Variants in LAMB3 observed in about 807,000 individuals in gnomAD.
The protein encoded by LAMB3 is laminin subunit beta 3.
LAMB3 carries 104 observed loss-of-function variants against 140.3 expected under a neutral mutation model. The observed-to-expected ratio is 0.74, with a 90% CI of 0.63 to 0.87. The LOEUF (loss-of-function observed/expected upper bound fraction) is 0.87, where lower values mean the gene tolerates loss of function less well. Among genes scored for constraint, LAMB3 ranks in the 40% least tolerant of loss-of-function variants. The probability of loss-of-function intolerance (pLI) is 0.00; values close to 1 mark genes in which losing one functional copy is unlikely to be tolerated. For missense variants in LAMB3, 1,531 were observed against 1,575.2 expected (o/e 0.97, Z 0.47); for synonymous variants, 592 against 602.9 (o/e 0.98, Z 0.26).
At chr1:209,627,893 T>G (rs1666529480) in intron 11 of LAMB3, 142 bp downstream of exon 11, 2 of 1,164,366 alleles carry the variant, frequency 1.7e-6, no homozygotes, top group South Asian at 1.3e-5. Context: ...TCCGGACTCC[T>G]GGCAAAGGCC....
chr1:209,637,781 A>G (rs1040938756), intron 5 of LAMB3, 127 bp downstream of exon 5: 8 of 791,230 alleles, frequency 1.0e-5, no homozygotes, highest in Non-Finnish European at 1.7e-5. Flanking sequence ...TTCTGTCACC[A>G]TGATATAGGC....
chr1:209,640,110 G>A (rs986677239), intron 3 of LAMB3, among the ~76,000 whole-genome samples: 1 of 152,188 alleles, frequency 6.6e-6, no homozygotes, highest in African/African-American at 2.4e-5. Context: ...CACTTTCCAG[G>A]TCTCACCCAG....
In LAMB3 at chr1:209,618,055, G is replaced by A. The variant is rs1273379365; in HGVS notation, c.2910-7C>T. The A allele has an allele frequency of 6.2e-7, 1 of 1,614,050 alleles. No homozygotes were observed. Among genetic ancestry groups the A allele is most frequent in the Non-Finnish European group, 8.5e-7 (1 of 1,180,040 alleles). On this transcript the variant is annotated splice_polypyrimidine_tract_variant and splice_region_variant and intron_variant, in intron 19 of 22. Transcript: ENST00000356082. ...CACTGCATGGGCTCGGCTCCTGGGT[G>A]AGAGAAGCAGCAGGGAGAGGAGAGA...
chr1:209,626,539 T>A (rs577261025), intron 13 of LAMB3, among the ~76,000 whole-genome samples: 3 of 152,282 alleles, frequency 2.0e-5, no homozygotes, highest in Admixed American at 2.0e-4. Flanking sequence ...ACTTCCTCCA[T>A]CTATGAAGAG....
Position 209,637,891 on chromosome 1 carries a change from A to G in LAMB3, c.372+17T>C, listed in dbSNP as rs1364800902. 1 of 1,602,380 alleles carries G rather than the reference A, an allele frequency of 6.2e-7. No homozygotes were observed. The highest frequency in any genetic ancestry group is 1.3e-5 in the African/African-American group (1 of 74,570). ...AGGAGCCCCTCTCCTATCCACTGCC[A>G]CCCCCAGGAGGCACACCTGGAACTC... On this transcript the variant is annotated intron_variant, in intron 5 of 22. Transcript: ENST00000356082.
At position 209,615,052 on chromosome 1, in the gene LAMB3, C is replaced by T; in HGVS notation, c.*219G>A. On this transcript the variant is annotated 3_prime_UTR_variant, in exon 23 of 23. Coordinates refer to ENST00000356082, the MANE Select transcript of LAMB3 (RefSeq NM_000228.3). ...AGAGCTCTTAGTTTCAATGGCATGCCAATCTCCACCATCTTTGTCTGTCAA... is the reference window on the plus strand; with the variant it reads ...AGAGCTCTTAGTTTCAATGGCATGCTAATCTCCACCATCTTTGTCTGTCAA... The T allele has an allele frequency of 1.8e-6, 1 of 568,176 alleles. No homozygotes were observed. Among genetic ancestry groups the T allele is most frequent in the Non-Finnish European group, 3.1e-6 (1 of 322,830 alleles). The allele number at this position is 568,176 out of a possible 1,614,324, so 35.2% of individuals were successfully genotyped here.
Sources: gnomAD v4.1 joint callset for allele counts (sites outside exome capture counted in the v4.1 genomes callset) on GRCh38, gnomAD v4.1.1 for gene constraint, MANE v1.5 for transcripts, NCBI Gene and HGNC (gene_info 2026-07-23, HGNC 2026-07-21) for gene names.